The following PSD3 variants were observed in gnomAD, a reference collection of about 807,000 sequenced individuals.
The protein encoded by PSD3 is PH and SEC7 domain-containing protein 3.
In PSD3, 49 loss-of-function variants were observed where a neutral mutation model predicts 105.5. The observed-to-expected ratio is 0.46, with a 90% CI of 0.37 to 0.59. The LOEUF is 0.59. Ranked by LOEUF, PSD3 falls within the 20% of genes least tolerant of loss-of-function variation. The pLI, the probability that PSD3 is intolerant of heterozygous loss-of-function variation, is 0.00. For synonymous variants in PSD3, 557 were observed against 457.8 expected (o/e 1.22, Z -2.77); for missense variants, 1,561 against 1,263.8 (o/e 1.24, Z -3.57).
intron 9 of PSD3, among the ~76,000 whole-genome samples, chr8:18,711,300 A>T (rs1017397419): frequency 6.6e-6 from 1 of 152,194 alleles, no homozygotes; most frequent in African/African-American, 2.4e-5. Flanking sequence ...ATGAACCTTA[A>T]ATGTAAATGG....
At chr8:18,960,624 G>C (rs183988479) in intron 1 of PSD3, among the ~76,000 whole-genome samples, 425 of 152,294 alleles carry the variant, frequency 2.8e-3, no homozygotes, top group African/African-American at 9.8e-3. Flanking sequence ...TTACAGATGG[G>C]AAGTAGTAAG....
chr8:18,648,648 C>T (rs1244882298), intron 10 of PSD3, among the ~76,000 whole-genome samples: 1 of 152,212 alleles, frequency 6.6e-6, no homozygotes, highest in Non-Finnish European at 1.5e-5. Flanking sequence ...AAAAGGCAGG[C>T]AAGTGCTGAT....
chr8:18,631,402 C>G (rs1054254066), intron 11 of PSD3, among the ~76,000 whole-genome samples: 4 of 151,914 alleles, frequency 2.6e-5, no homozygotes, highest in African/African-American at 9.7e-5. Flanking sequence ...CTAGAACAGA[C>G]TAAATGAGAA....
chr8:18,932,266 C>T (rs1821800506), intron 2 of PSD3, among the ~76,000 whole-genome samples: 2 of 152,172 alleles, frequency 1.3e-5, no homozygotes. Flanking sequence ...TAGGCTGGGA[C>T]CCAGGCTCTG....
chr8:18,802,926 T>C (rs1342494656), intron 6 of PSD3, among the ~76,000 whole-genome samples: 1 of 152,224 alleles, frequency 6.6e-6, no homozygotes, highest in African/African-American at 2.4e-5. Flanking sequence ...TTATAGATAC[T>C]TTCTACTGAT....
intron 14 of PSD3, among the ~76,000 whole-genome samples, chr8:18,567,746 C>A (rs927219150): frequency 1.3e-5 from 2 of 152,126 alleles, no homozygotes; most frequent in Non-Finnish European, 2.9e-5. Context: ...TTCATTCCCC[C>A]ATCAAAGAAG....
chr8:18,787,843 A>G (rs946928703), intron 8 of PSD3, among the ~76,000 whole-genome samples: 2 of 152,238 alleles, frequency 1.3e-5, no homozygotes, highest in Non-Finnish European at 2.9e-5. Context: ...AACAATTTTT[A>G]GTAAAGAATT....
At chr8:18,582,629 A>G (rs1212399678) in intron 12 of PSD3, among the ~76,000 whole-genome samples, 2 of 152,024 alleles carry the variant, frequency 1.3e-5, no homozygotes, top group Non-Finnish European at 2.9e-5. Context: ...AAGTATGCAT[A>G]ATTGCTTACT....
intron 1 of PSD3, among the ~76,000 whole-genome samples, chr8:19,039,177 A>G (rs1828042610): frequency 6.6e-6 from 1 of 152,112 alleles, no homozygotes; most frequent in Admixed American, 6.6e-5. Context: ...TTTTCTCTGC[A>G]AACATCTTTC....
At chr8:18,970,866 C>T (rs1019146093) in intron 1 of PSD3, among the ~76,000 whole-genome samples, 1 of 151,708 alleles carries the variant, frequency 6.6e-6, no homozygotes, top group Non-Finnish European at 1.5e-5. Flanking sequence ...GTAGTCCCAA[C>T]TACTTGGGAG....
At position 18,578,428 on chromosome 8, in the gene PSD3, G is replaced by A. The variant is rs556566612; in HGVS notation, c.2482-3143C>T. Among the ~76,000 whole-genome samples, 105 of 152,150 alleles carry A rather than the reference G, an allele frequency of 6.9e-4. 1 individual carries two copies. Among genetic ancestry groups the A allele is most frequent in the Admixed American group, 1.7e-3 (26 of 15,284 alleles). ...CCATGATTTGTGAAATTCTTCCTCAGCTTTTTGTTACAATACCCTCCTGGT... is the reference window on the plus strand; with the variant it reads ...CCATGATTTGTGAAATTCTTCCTCAACTTTTTGTTACAATACCCTCCTGGT... On this transcript the variant is annotated intron_variant, in intron 12 of 15. Transcript: ENST00000327040.
rs1309008887 is a variant in PSD3 at position 18,594,253 on chromosome 8, AT to A, written c.2481+6110del. Among the ~76,000 whole-genome samples the A allele has an allele frequency of 1.1e-4, 2 of 18,194 alleles. 1 individual carries two copies. Among genetic ancestry groups the A allele is most frequent in the Non-Finnish European group, 2.0e-4 (2 of 9,938 alleles). 11.9% of individuals were successfully genotyped at this position (18,194 alleles called of 152,430 possible). ...TATAATATATATTATTATATATATT[AT>A]ATAATATATATTATTATATATATTA... On this transcript the variant is annotated intron_variant, in intron 12 of 15. Coordinates refer to ENST00000327040, the MANE Select transcript of PSD3 (RefSeq NM_015310.4).
chr8:18,754,110 G>A (rs1805825725), intron 9 of PSD3, among the ~76,000 whole-genome samples: 1 of 152,166 alleles, frequency 6.6e-6, no homozygotes, highest in African/African-American at 2.4e-5. Context: ...TAGGCCAGGT[G>A]CGGTGGCTCA....
At chr8:18,805,306 C>A (rs1811105163) in intron 4 of PSD3, among the ~76,000 whole-genome samples, 1 of 152,056 alleles carries the variant, frequency 6.6e-6, no homozygotes, top group South Asian at 2.1e-4. Flanking sequence ...AACTAAAATT[C>A]ACTGTTTTTT....
intron 1 of PSD3, among the ~76,000 whole-genome samples, chr8:19,026,464 G>A (rs1333061369): frequency 6.6e-6 from 1 of 152,086 alleles, no homozygotes; most frequent in African/African-American, 2.4e-5. Flanking sequence ...AAACCTAAGA[G>A]AAGTTAGAGC....
At chr8:19,020,504 C>T (rs77324299) in intron 1 of PSD3, among the ~76,000 whole-genome samples, 2 of 151,948 alleles carry the variant, frequency 1.3e-5, no homozygotes, top group African/African-American at 4.8e-5. Flanking sequence ...TCAGAGATGT[C>T]GTAAGTGGGA....
intron 9 of PSD3, among the ~76,000 whole-genome samples, chr8:18,754,282 G>A (rs780377963): frequency 6.6e-6 from 1 of 151,748 alleles, no homozygotes; most frequent in Non-Finnish European, 1.5e-5. Flanking sequence ...TACTCGGGAG[G>A]CTAAGACAGG....
Position 18,871,988 on chromosome 8 carries a change from G to A in PSD3, c.876C>T (p.Arg292=). Residue 292 remains arginine (R), a synonymous_variant, in exon 3 of 16, where the codon CGC becomes CGT. Coordinates refer to ENST00000327040, the MANE Select transcript of PSD3 (RefSeq NM_015310.4). The part of the protein sequence containing the change: ...GGCDRSSSMG[R]PGRVKHVEFQ... ...ATTCCACATGTTTGACCCGGCCTGG[G>A]CGTCCCATGGAGCTGCTTCGATCAC... The A allele has an allele frequency of 6.2e-7, 1 of 1,614,088 alleles. No homozygotes were observed. Among genetic ancestry groups the A allele is most frequent in the Non-Finnish European group, 8.5e-7 (1 of 1,180,010 alleles).
chr8:18,903,634 G>A (rs1464596934), intron 2 of PSD3, among the ~76,000 whole-genome samples: 2 of 152,106 alleles, frequency 1.3e-5, no homozygotes, highest in Non-Finnish European at 1.5e-5. Flanking sequence ...TCAGCCCAGG[G>A]ATGTGTAGCT....
Sources: gnomAD v4.1 joint callset for allele counts (sites outside exome capture counted in the v4.1 genomes callset) on GRCh38, gnomAD v4.1.1 for gene constraint, MANE v1.5 for transcripts, NCBI Gene and HGNC (gene_info 2026-07-23, HGNC 2026-07-21) for gene names.